The following ABI3 variants were observed in gnomAD, a reference collection of about 807,000 sequenced individuals.
The protein encoded by ABI3 is ABI gene family member 3.
In ABI3, 24 loss-of-function variants were observed where a neutral mutation model predicts 37.0. The observed-to-expected ratio is 0.65, with a 90% CI of 0.47 to 0.91. The LOEUF is 0.91. Ranked by LOEUF, ABI3 falls within the 40% of genes least tolerant of loss-of-function variation. ABI3 has a pLI of 0.00. For missense variants in ABI3, 481 were observed against 485.1 expected (o/e 0.99, Z 0.08); for synonymous variants, 220 against 211.8 (o/e 1.04, Z -0.34).
In ABI3 at chr17:49,219,988, G is replaced by A. The variant is rs1253920925; in HGVS notation, c.644+35G>A. On this transcript the variant is annotated intron_variant, in intron 5 of 7. Coordinates refer to ENST00000225941, the MANE Select transcript of ABI3 (RefSeq NM_016428.3). This position sits in a 1 kb window ranked among gnomAD's most constrained non-coding sequence, Gnocchi z 4.3. ...ACAAGCCCACGTGGGTGGGTGGGGG[G>A]TGGGAAGTGGCTTTTGAGAGGGGCC... The A allele has an allele frequency of 2.2e-6, 2 of 926,766 alleles. No individual in the cohort carries two copies. Among genetic ancestry groups the A allele is most frequent in the Non-Finnish European group, 3.4e-6 (2 of 588,402 alleles). 57.4% of individuals were successfully genotyped at this position (926,766 alleles called of 1,614,324 possible).
chr17:49,222,011 G>A (rs1378640615), intron 6 of ABI3, 80 bp from the exon 7 acceptor site: 1 of 1,448,252 alleles, frequency 6.9e-7, no homozygotes, highest in Non-Finnish European at 9.1e-7. Flanking sequence ...GGATTCTGGG[G>A]TCCAGCTCTT....
chr17:49,222,261 C>T, intron 7 of ABI3, 36 bp downstream of exon 7: 1 of 1,601,962 alleles, frequency 6.2e-7, no homozygotes, highest in Non-Finnish European at 8.5e-7. Flanking sequence ...CACCGGATCC[C>T]ACTTCCTCTG....
At position 49,214,500 on chromosome 17, in the gene ABI3, G is replaced by A. The variant is rs796067283; in HGVS notation, c.118-2031G>A. ...AAGGCAGGCAGATCACCTGAGGTCA[G>A]GAGTTGAAGATCAGCCTGACCAGCA... On this transcript the variant is annotated intron_variant, in intron 1 of 7. Transcript: ENST00000225941. 8.5e-4 allele frequency among the ~76,000 whole-genome samples: 130 copies of A among 152,348 alleles called. 2 individuals are homozygous for A. The highest frequency in any genetic ancestry group is 3.0e-3 in the African/African-American group (124 of 41,574).
intron 3 of ABI3, among the ~76,000 whole-genome samples, chr17:49,218,189 G>C: frequency 6.6e-6 from 1 of 152,238 alleles, no homozygotes; most frequent in East Asian, 1.9e-4. Context: ...GGCACCGGGC[G>C]TGTGGGAAGG....
In ABI3 at chr17:49,219,637, C is replaced by A. The variant is rs200600530; in HGVS notation, c.548+12C>A. On this transcript the variant is annotated intron_variant, in intron 4 of 7. Transcript: ENST00000225941. The surrounding 1 kb of genome is among the most constrained non-coding windows in gnomAD (Gnocchi z 4.3). Reference sequence around the variant, plus strand: ...TCCGCCACCTTGGGGTGAGGCCTCGCCGCGACGCCAACTAGCCTAGCCCTG... The same window carrying A: ...TCCGCCACCTTGGGGTGAGGCCTCGACGCGACGCCAACTAGCCTAGCCCTG... 5 of 1,591,096 alleles carry A rather than the reference C, an allele frequency of 3.1e-6. No homozygotes were observed. In the African/African-American group the frequency reaches 4.0e-5, roughly 13 times the overall value.
rs541591464 is a variant in ABI3, at chr17:49,211,549, C to T, written c.117+708C>T. On this transcript the variant is annotated intron_variant, in intron 1 of 7. Transcript: ENST00000225941. ...TCTGTTATTTCATTAATCTGTACAA[C>T]TACCTTGTGAGACATGTATTATAAT... Among the ~76,000 whole-genome samples, 4 of 152,354 alleles carry T rather than the reference C, an allele frequency of 2.6e-5. No individual in the cohort carries two copies. The East Asian group carries it at 5.8e-4, about 22-fold the overall frequency.
chr17:49,211,931 C>T (rs1441030015), intron 1 of ABI3, among the ~76,000 whole-genome samples: 1 of 150,478 alleles, frequency 6.6e-6, no homozygotes, highest in Non-Finnish European at 1.5e-5. Flanking sequence ...CAGGAGTGAG[C>T]CACTGTGCCC....
intron 1 of ABI3, 76 bp from the exon 2 acceptor site, chr17:49,216,455 T>C (rs2043218733): frequency 7.4e-7 from 1 of 1,349,638 alleles, no homozygotes. Context: ...CCCTATATCC[T>C]CTCCCATCCC....
intron 1 of ABI3, among the ~76,000 whole-genome samples, chr17:49,216,011 T>A (rs1334026341): frequency 6.6e-6 from 1 of 150,968 alleles, no homozygotes; most frequent in African/African-American, 2.4e-5. Context: ...CTTGGGAGGC[T>A]GAGGCAGGAG....
rs528296462 is a variant in ABI3 at position 49,220,254 on chromosome 17, C to T, written c.730C>T (p.Pro244Ser). 4.3e-6 allele frequency: 7 copies of T among 1,610,110 alleles called. No homozygotes were observed. In the East Asian group the frequency reaches 1.1e-4, roughly 26 times the overall value. Residue 244 changes from proline to serine, a missense_variant, in exon 6 of 8, where the codon CCT becomes TCT. Transcript: ENST00000225941. ...APPLPSSLDP[P>S]PPPAAVEVFQ... ...ACCTCTCCCCAGCTCCTTGGACCCA[C>T]CTCCTCCACCAGCAGCCGTCGAGGT...
At chr17:49,216,434 G>T in intron 1 of ABI3, 97 bp from the exon 2 acceptor site, 1 of 1,222,732 alleles carries the variant, frequency 8.2e-7, no homozygotes, top group Admixed American at 3.8e-5. Flanking sequence ...TCCCAATCCA[G>T]CCCCTACTTT....
chr17:49,221,635 C>T (rs1407235591), intron 6 of ABI3, among the ~76,000 whole-genome samples: 1 of 152,202 alleles, frequency 6.6e-6, no homozygotes, highest in African/African-American at 2.4e-5. Flanking sequence ...TCAGGGTTTA[C>T]TGAGCACTTA....
intron 2 of ABI3, 88 bp from the exon 3 acceptor site, chr17:49,217,651 C>G (rs555809560): frequency 1.0e-5 from 13 of 1,302,392 alleles, no homozygotes; most frequent in Admixed American, 2.8e-5. Context: ...CTCCCCCCCC[C>G]AGCCCAGTCT....
chr17:49,221,032 G>A (rs1408215115), intron 6 of ABI3, among the ~76,000 whole-genome samples: 3 of 150,514 alleles, frequency 2.0e-5, no homozygotes, highest in Non-Finnish European at 2.9e-5. Context: ...AATTAGCCTG[G>A]CGTGGTGGTG....
rs958842097 is a variant in ABI3, at chr17:49,218,001, G to A, written c.462+86G>A. ...TCCCTCCAGAACCCCAGTTCTGCAA[G>A]TTTTGTCCCCACTTGCCACTCCTTT... On this transcript the variant is annotated intron_variant, in intron 3 of 7. Transcript: ENST00000225941. The A allele has an allele frequency of 9.0e-6, 12 of 1,334,468 alleles. No individual in the cohort carries two copies. In the East Asian group the frequency reaches 1.4e-4, roughly 15 times the overall value. The allele number at this position is 1,334,468 out of a possible 1,614,324, so 82.7% of individuals were successfully genotyped here. A position where few individuals can be genotyped will look rare whatever the true frequency, so the allele number is the denominator to read the frequency against.
Position 49,219,762 on chromosome 17 carries a change from C to T in ABI3, c.549-96C>T, listed in dbSNP as rs1271225721. ...ATGCTGGATGCCTGGCGCCAAACCT[C>T]CCCCTCGGCCACCTGCCCTTCCTGC... On this transcript the variant is annotated intron_variant, in intron 4 of 7. Transcript: ENST00000225941. The surrounding 1 kb of genome is among the most constrained non-coding windows in gnomAD (Gnocchi z 4.3). The T allele has an allele frequency of 3.5e-6, 5 of 1,431,562 alleles. No individual in the cohort carries two copies. The South Asian group carries it at 3.7e-5, about 11-fold the overall frequency. 88.7% of individuals were successfully genotyped at this position (1,431,562 alleles called of 1,614,324 possible).
chr17:49,220,396 C>T (rs886372803), intron 6 of ABI3, 70 bp downstream of exon 6: 83 of 1,510,648 alleles, frequency 5.5e-5, no homozygotes, highest in Admixed American at 1.4e-4. Context: ...CCCCAGCCCA[C>T]CTCTCTTGGA....
Position 49,219,608 on chromosome 17 carries a change from C to G in ABI3, c.531C>G (p.Pro177=). The change falls in exon 4 of 8, where the codon CCC becomes CCG. Residue 177 remains proline (P), a synonymous_variant. Coordinates refer to ENST00000225941, the MANE Select transcript of ABI3 (RefSeq NM_016428.3). This position sits in a 1 kb window ranked among gnomAD's most constrained non-coding sequence, Gnocchi z 4.3. The part of the protein sequence containing the change: ...SRKSIKAPAT[P]ASATLGRPPR... ...AGAGCATCAAGGCCCCTGCCACACCCGCCTCCGCCACCTTGGGGTGAGGCC... is the reference window on the plus strand; with the variant it reads ...AGAGCATCAAGGCCCCTGCCACACCGGCCTCCGCCACCTTGGGGTGAGGCC... The G allele has an allele frequency of 2.5e-6, 4 of 1,606,186 alleles. No individual in the cohort carries two copies. Among genetic ancestry groups the G allele is most frequent in the Non-Finnish European group, 3.4e-6 (4 of 1,176,768 alleles).
chr17:49,222,531 C>A, intron 7 of ABI3, 21 bp from the exon 8 acceptor site: 1 of 1,611,744 alleles, frequency 6.2e-7, no homozygotes, highest in Non-Finnish European at 8.5e-7. Context: ...TCTCACGGCA[C>A]CCTCTTCTCT....
Sources: allele counts gnomAD v4.1 joint callset (sites outside exome capture counted in the v4.1 genomes callset), GRCh38; gene constraint gnomAD v4.1.1; non-coding constraint Gnocchi (gnomAD v3.1); transcripts MANE v1.5; gene names NCBI Gene and HGNC (gene_info 2026-07-23, HGNC 2026-07-21).